CCNY: variants seen among roughly 807,000 people sequenced by gnomAD.
The protein encoded by CCNY is cyclin Y.
CCNY carries 19 observed loss-of-function variants against 42.8 expected under a neutral mutation model. That is an observed-to-expected ratio of 0.44 (90% CI 0.31 to 0.65). The LOEUF is 0.65. CCNY is among the 30% of genes least tolerant of loss of function. CCNY has a pLI of 0.07. For synonymous variants in CCNY, 165 were observed against 162.7 expected, an observed-to-expected ratio of 1.01 and a Z score of -0.11; for missense variants, 370 against 437.3, an observed-to-expected ratio of 0.85 and a Z score of 1.37.
chr10:35,516,207 C>T lies in CCNY; in HGVS notation c.265-316C>T, dbSNP rs183980059. Among the ~76,000 whole-genome samples the T allele has an allele frequency of 9.2e-3, 1,405 of 152,278 alleles. 9 individuals carry two copies. The highest frequency in any genetic ancestry group is 0.017 in the Middle Eastern group (5 of 294). On this transcript the variant is annotated intron_variant, in intron 3 of 9. Coordinates refer to ENST00000374704, the MANE Select transcript of CCNY (RefSeq NM_145012.6). ...TGTTAGTTTAGTAGATCCCATGTTT[C>T]ATACAAGCCATGGGGCAGGTGATTT...
intron 1 of CCNY, among the ~76,000 whole-genome samples, chr10:35,409,155 T>C (rs1285789167): frequency 6.6e-6 from 1 of 151,442 alleles, no homozygotes; most frequent in Non-Finnish European, 1.5e-5. Flanking sequence ...AAGCTCCTGA[T>C]CCTAATCCAA....
At chr10:35,383,929 T>A (rs1351470707) in intron 1 of CCNY, among the ~76,000 whole-genome samples, 1 of 152,000 alleles carries the variant, frequency 6.6e-6, no homozygotes, top group Admixed American at 6.6e-5. Context: ...AATTGTATTA[T>A]GCATTGTGGG....
chr10:35,396,784 T>C (rs1837536435), intron 1 of CCNY, among the ~76,000 whole-genome samples: 1 of 152,208 alleles, frequency 6.6e-6, no homozygotes, highest in Admixed American at 6.5e-5. Context: ...CCAGTGCCCC[T>C]GCAGTCCTCT....
At chr10:35,546,759 T>C (rs1841124139) in intron 7 of CCNY, among the ~76,000 whole-genome samples, 1 of 152,158 alleles carries the variant, frequency 6.6e-6, no homozygotes, top group Admixed American at 6.5e-5. Context: ...TGACTGTTTG[T>C]TTTTTTCCCA....
rs115103790 is a variant in CCNY at position 35,499,183 on chromosome 10, A to G, written c.230-2318A>G. ...GTATGTTTTCACACTGCTGATAAAG[A>G]TATACCCCAGACTGGGCAGTTTACA... is the stretch of plus-strand genomic sequence containing the variant. On this transcript the variant is annotated intron_variant, in intron 2 of 9. Coordinates refer to ENST00000374704, the MANE Select transcript of CCNY (RefSeq NM_145012.6). 5.0e-3 allele frequency among the ~76,000 whole-genome samples: 765 copies of G among 152,232 alleles called. 11 individuals are homozygous for G. Among genetic ancestry groups the G allele is most frequent in the African/African-American group, 0.018 (730 of 41,524 alleles).
At chr10:35,505,180 A>T (rs1470055431) in intron 3 of CCNY, among the ~76,000 whole-genome samples, 1 of 152,000 alleles carries the variant, frequency 6.6e-6, no homozygotes, top group East Asian at 1.9e-4. Context: ...GAAACTCAGA[A>T]TGTATGCTTT....
chr10:35,495,160 GTA>G (rs1392153283), intron 2 of CCNY, among the ~76,000 whole-genome samples: 3 of 152,182 alleles, frequency 2.0e-5, no homozygotes, highest in African/African-American at 4.8e-5. Flanking sequence ...CTGTGTGTGT[GTA>G]TGTTTTATGT....
intron 2 of CCNY, among the ~76,000 whole-genome samples, chr10:35,484,675 T>C (rs1839746129): frequency 6.6e-6 from 1 of 152,074 alleles, no homozygotes; most frequent in African/African-American, 2.4e-5. Flanking sequence ...AGATGGGTGT[T>C]TGGAACCATG....
chr10:35,418,776 G>C (rs577009868), intron 1 of CCNY, among the ~76,000 whole-genome samples: 1 of 151,958 alleles, frequency 6.6e-6, no homozygotes, highest in Non-Finnish European at 1.5e-5. Context: ...TGATGTAGGC[G>C]GTTTCTTTCA....
intron 2 of CCNY, among the ~76,000 whole-genome samples, chr10:35,498,492 A>G (rs1263350277): frequency 2.0e-5 from 3 of 152,100 alleles, no homozygotes; most frequent in African/African-American, 7.2e-5. Context: ...CCCCAGTCTG[A>G]AGTTTACACA....
intron 3 of CCNY, among the ~76,000 whole-genome samples, chr10:35,282,720 C>CAAAAAAAAA (rs71033390): frequency 1.1e-5 from 1 of 88,268 alleles, no homozygotes; most frequent in Non-Finnish European, 2.3e-5. Flanking sequence ...GAGACTGTCT[C>CAAAAAAAAA]AAAAAAAAAA....
intron 1 of CCNY, among the ~76,000 whole-genome samples, chr10:35,371,527 C>T (rs1029675777): frequency 6.6e-6 from 1 of 152,216 alleles, no homozygotes; most frequent in Non-Finnish European, 1.5e-5. Flanking sequence ...CATGATCTCA[C>T]CTCCACCTGC....
chr10:35,326,279 C>A (rs1474501604), intron 3 of CCNY, among the ~76,000 whole-genome samples: 1 of 151,768 alleles, frequency 6.6e-6, no homozygotes, highest in Non-Finnish European at 1.5e-5. Flanking sequence ...GGAGACATTA[C>A]CTTTTACAGT....
chr10:35,544,993 A>G (rs898738566), intron 7 of CCNY, among the ~76,000 whole-genome samples: 22 of 152,196 alleles, frequency 1.4e-4, no homozygotes, highest in African/African-American at 4.8e-4. Flanking sequence ...ACTGATGGCA[A>G]ATGCTAAGCA....
At chr10:35,384,209 A>AT (rs944466804) in intron 1 of CCNY, among the ~76,000 whole-genome samples, 9 of 152,310 alleles carry the variant, frequency 5.9e-5, no homozygotes, top group African/African-American at 2.2e-4. Context: ...AATGACGGGG[A>AT]TTAAAAAAAA....
intron 3 of CCNY, among the ~76,000 whole-genome samples, chr10:35,257,253 T>A (rs2095716338): frequency 7.0e-6 from 1 of 143,252 alleles, no homozygotes; most frequent in African/African-American, 2.5e-5. Context: ...TTTCTTTCTC[T>A]CTCTCTTTCT....
intron 8 of CCNY, among the ~76,000 whole-genome samples, chr10:35,562,297 T>C (rs1841482239): frequency 1.3e-5 from 2 of 152,380 alleles, no homozygotes; most frequent in South Asian, 4.1e-4. Flanking sequence ...GTTTTGTTTT[T>C]AAATTGTAGT....
At chr10:35,328,063 T>C (rs1171172310) in intron 3 of CCNY, among the ~76,000 whole-genome samples, 1 of 152,218 alleles carries the variant, frequency 6.6e-6, no homozygotes, top group Non-Finnish European at 1.5e-5. Flanking sequence ...AACACTTTGA[T>C]GTGTGAATAT....
chr10:35,476,859 G>C (rs1589146225), intron 1 of CCNY, among the ~76,000 whole-genome samples: 1 of 152,162 alleles, frequency 6.6e-6, no homozygotes, highest in East Asian at 1.9e-4. Context: ...CAGGTTTTCT[G>C]AAAGGATCAA....
Sources: allele counts gnomAD v4.1 joint callset (sites outside exome capture counted in the v4.1 genomes callset), GRCh38; gene constraint gnomAD v4.1.1; transcripts MANE v1.5; gene names NCBI Gene and HGNC (gene_info 2026-07-23, HGNC 2026-07-21).